Variants in LUZP2 observed in about 807,000 individuals in gnomAD.
The protein encoded by LUZP2 is leucine zipper protein 2.
In LUZP2, 52 loss-of-function variants were observed where a neutral mutation model predicts 51.6. That is an observed-to-expected ratio of 1.01 (90% CI 0.81 to 1.27). The LOEUF (loss-of-function observed/expected upper bound fraction) is 1.27, where lower values mean the gene tolerates loss of function less well. Among genes scored for constraint, LUZP2 ranks in the 50% most tolerant of loss-of-function variants. The pLI is 0.00. For synonymous variants in LUZP2, 154 were observed against 137.3 expected (o/e 1.12, Z -0.85); for missense variants, 436 against 395.4 (o/e 1.10, Z -0.87).
rs1261449062 is a variant in LUZP2, at chr11:25,081,788, T to C, written c.*3130T>C. On this transcript the variant is annotated 3_prime_UTR_variant, in exon 12 of 12. Coordinates refer to ENST00000336930, the MANE Select transcript of LUZP2 (RefSeq NM_001009909.4). ...TATTATGTACCTGTAATGATAAGCA[T>C]TGAAAGATTATTTACATTTTGAAAA... The C allele has an allele frequency of 6.6e-6, 1 of 152,160 alleles. No homozygotes were observed. Among genetic ancestry groups the C allele is most frequent in the Non-Finnish European group, 1.5e-5 (1 of 68,000 alleles). 9.4% of individuals were successfully genotyped at this position (152,160 alleles called of 1,614,324 possible). A position where few individuals can be genotyped will look rare whatever the true frequency, so the allele number is the denominator to read the frequency against.
At chr11:24,828,037 A>T (rs1850594081) in intron 5 of LUZP2, among the ~76,000 whole-genome samples, 2 of 152,004 alleles carry the variant, frequency 1.3e-5, no homozygotes, top group South Asian at 4.1e-4. Context: ...AGAAACACAC[A>T]CACACACACA....
At chr11:24,720,824 C>T (rs369575691) in intron 1 of LUZP2, among the ~76,000 whole-genome samples, 5 of 152,250 alleles carry the variant, frequency 3.3e-5, no homozygotes, top group African/African-American at 7.2e-5. Context: ...TCAGCCTCTC[C>T]GAGTAGCTGG....
intron 9 of LUZP2, among the ~76,000 whole-genome samples, chr11:25,003,461 G>A (rs1464431388): frequency 6.6e-6 from 1 of 152,150 alleles, no homozygotes. Context: ...GTATAGGGGT[G>A]GGTATAACTG....
intron 5 of LUZP2, among the ~76,000 whole-genome samples, chr11:24,902,337 C>T (rs906162386): frequency 6.6e-6 from 1 of 152,154 alleles, no homozygotes; most frequent in East Asian, 1.9e-4. Context: ...CAGGTAAAAC[C>T]CAGTGTCTGT....
chr11:24,960,873 T>G (rs547444061), intron 7 of LUZP2, among the ~76,000 whole-genome samples: 220 of 152,300 alleles, frequency 1.4e-3, no homozygotes, highest in African/African-American at 5.0e-3. Context: ...TGCTTTCTCT[T>G]GTGGGCATTT....
At chr11:24,685,257 C>A (rs1052736106) in intron 1 of LUZP2, among the ~76,000 whole-genome samples, 2 of 152,084 alleles carry the variant, frequency 1.3e-5, no homozygotes, top group Non-Finnish European at 2.9e-5. Context: ...ATCTGTTTTT[C>A]TTTTGAAAAG....
intron 1 of LUZP2, among the ~76,000 whole-genome samples, chr11:24,672,098 C>A (rs939546043): frequency 1.3e-5 from 2 of 152,026 alleles, no homozygotes; most frequent in African/African-American, 4.8e-5. Context: ...ACATGCTGTA[C>A]AATTTAGTTC....
At chr11:24,758,239 A>G (rs1859844768) in intron 4 of LUZP2, among the ~76,000 whole-genome samples, 3 of 152,096 alleles carry the variant, frequency 2.0e-5, no homozygotes, top group Non-Finnish European at 4.4e-5. Flanking sequence ...AATGTGTTCT[A>G]TGTTTTGAAT....
chr11:24,503,356 G>C (rs1334358058), intron 1 of LUZP2, among the ~76,000 whole-genome samples: 1 of 152,128 alleles, frequency 6.6e-6, no homozygotes, highest in Non-Finnish European at 1.5e-5. Context: ...TAGATGAAAG[G>C]TACAGATCAT....
chr11:25,075,062 C>A (rs1463674164), intron 10 of LUZP2, among the ~76,000 whole-genome samples: 1 of 152,010 alleles, frequency 6.6e-6, no homozygotes, highest in African/African-American at 2.4e-5. Context: ...AGGGTAAATG[C>A]AAGAATAATA....
intron 1 of LUZP2, among the ~76,000 whole-genome samples, chr11:24,574,338 C>T (rs1482019631): frequency 4.1e-5 from 5 of 120,658 alleles, no homozygotes; most frequent in South Asian, 6.3e-4. Flanking sequence ...CCCTCCCTTG[C>T]TTCCTTCCTT....
chr11:24,763,446 G>A (rs956184544), intron 5 of LUZP2, 138 bp downstream of exon 5: 2 of 378,824 alleles, frequency 5.3e-6, no homozygotes, highest in South Asian at 1.1e-4. Flanking sequence ...TAGAGAAATT[G>A]TAAGGTGAAG....
intron 1 of LUZP2, among the ~76,000 whole-genome samples, chr11:24,572,170 A>G (rs1458576154): frequency 2.0e-5 from 3 of 152,024 alleles, no homozygotes; most frequent in African/African-American, 7.2e-5. Flanking sequence ...TAGAATAAGC[A>G]TATAGTAAGA....
chr11:24,751,600 T>C lies in LUZP2; in HGVS notation c.334-11646T>C, dbSNP rs915754035. ...ATCTCCCTTAGATCCCCTAAGAGCATTCTATGCTTTCAAAGTTTTCTATCC... is the reference window on the plus strand; with the variant it reads ...ATCTCCCTTAGATCCCCTAAGAGCACTCTATGCTTTCAAAGTTTTCTATCC... On this transcript the variant is annotated intron_variant, in intron 4 of 11. Coordinates refer to ENST00000336930, the MANE Select transcript of LUZP2 (RefSeq NM_001009909.4). 6.1e-6 allele frequency: 6 copies of C among 982,144 alleles called. No individual in the cohort carries two copies. In the African/African-American group the frequency reaches 7.0e-5, roughly 11 times the overall value. 60.8% of individuals were successfully genotyped at this position (982,144 alleles called of 1,614,324 possible). A position where few individuals can be genotyped will look rare whatever the true frequency, so the allele number is the denominator to read the frequency against.
intron 9 of LUZP2, among the ~76,000 whole-genome samples, chr11:25,030,939 T>TGTATATATA (rs1857644733): frequency 4.8e-5 from 1 of 20,882 alleles, no homozygotes; most frequent in Non-Finnish European, 1.3e-4. Context: ...TAATATATAT[T>TGTATATATA]ATATATATTA....
intron 1 of LUZP2, among the ~76,000 whole-genome samples, chr11:24,543,430 A>G (rs558659554): frequency 5.9e-5 from 9 of 152,170 alleles, no homozygotes; most frequent in Non-Finnish European, 1.0e-4. Flanking sequence ...GCTATCTCAG[A>G]CTATGTGCAT....
At chr11:24,960,934 G>A (rs181831249) in intron 7 of LUZP2, among the ~76,000 whole-genome samples, 131 of 152,086 alleles carry the variant, frequency 8.6e-4, no homozygotes, top group Admixed American at 3.3e-3. Context: ...CCCAGAGATT[G>A]TGGTATGTTG....
chr11:25,058,374 G>A (rs1858745458), intron 10 of LUZP2, among the ~76,000 whole-genome samples: 1 of 151,912 alleles, frequency 6.6e-6, no homozygotes, highest in Non-Finnish European at 1.5e-5. Context: ...TATTAATATG[G>A]TAAATGAAAA....
intron 5 of LUZP2, among the ~76,000 whole-genome samples, chr11:24,900,239 G>C (rs562339606): frequency 4.6e-4 from 70 of 152,260 alleles, no homozygotes; most frequent in Non-Finnish European, 7.9e-4. Flanking sequence ...GCTTTATAAG[G>C]TTGGTCTAAA....
Sources: gnomAD v4.1 joint callset for allele counts (sites outside exome capture counted in the v4.1 genomes callset) on GRCh38, gnomAD v4.1.1 for gene constraint, MANE v1.5 for transcripts, NCBI Gene and HGNC (gene_info 2026-07-23, HGNC 2026-07-21) for gene names.